GLG1: variants seen among roughly 807,000 people sequenced by gnomAD.
The protein encoded by GLG1 is golgi glycoprotein 1.
In GLG1, 38 loss-of-function variants were observed where a neutral mutation model predicts 160.5. That is an observed-to-expected ratio of 0.24 (90% CI 0.18 to 0.31). The LOEUF (loss-of-function observed/expected upper bound fraction) is 0.31, where lower values mean the gene tolerates loss of function less well. Ranked by LOEUF, GLG1 falls within the 10% of genes least tolerant of loss-of-function variation. GLG1 has a pLI of 1.00. For missense variants in GLG1, 1,373 were observed against 1,505.2 expected, an observed-to-expected ratio of 0.91 and a Z score of 1.45; for synonymous variants, 644 against 543.4, an observed-to-expected ratio of 1.19 and a Z score of -2.57.
intron 4 of GLG1, among the ~76,000 whole-genome samples, 176 bp from the exon 5 acceptor site, chr16:74,496,820 T>C (rs1597268035): frequency 6.6e-6 from 1 of 151,502 alleles, no homozygotes. Flanking sequence ...ACCAACCACA[T>C]TGTGGAAGTT....
chr16:74,551,459 C>A (rs2018195580), intron 1 of GLG1, among the ~76,000 whole-genome samples: 1 of 135,792 alleles, frequency 7.4e-6, no homozygotes, highest in Non-Finnish European at 1.5e-5. Flanking sequence ...CGCACACCAC[C>A]ATGTCTGGCT....
intron 4 of GLG1, among the ~76,000 whole-genome samples, chr16:74,497,222 G>C (rs1468027302): frequency 6.6e-6 from 1 of 151,514 alleles, no homozygotes; most frequent in Non-Finnish European, 1.5e-5. Context: ...CCAGTAGGCG[G>C]AGGTTGCAGT....
At chr16:74,494,440 T>G (rs2143398239) in intron 6 of GLG1, among the ~76,000 whole-genome samples, 1 of 125,894 alleles carries the variant, frequency 7.9e-6, no homozygotes, top group South Asian at 2.8e-4. Flanking sequence ...AGAGTCTCAC[T>G]CTGTCACCCA....
intron 1 of GLG1, among the ~76,000 whole-genome samples, chr16:74,560,660 G>A (rs922148799): frequency 6.6e-6 from 1 of 152,074 alleles, no homozygotes; most frequent in Non-Finnish European, 1.5e-5. Context: ...TTTATAAAAG[G>A]CAAAGCTTAA....
At chr16:74,526,268 G>T (rs555273484) in intron 2 of GLG1, among the ~76,000 whole-genome samples, 1 of 147,246 alleles carries the variant, frequency 6.8e-6, no homozygotes, top group Non-Finnish European at 1.5e-5. Context: ...TCATTCTCTG[G>T]AAAGTAATGT....
intron 2 of GLG1, among the ~76,000 whole-genome samples, chr16:74,509,764 G>A (rs2016742009): frequency 6.6e-6 from 1 of 151,544 alleles, no homozygotes; most frequent in Non-Finnish European, 1.5e-5. Flanking sequence ...CAGGAGAACG[G>A]CGTGAACACC....
At chr16:74,564,122 T>C (rs551988309) in intron 1 of GLG1, among the ~76,000 whole-genome samples, 108 of 152,282 alleles carry the variant, frequency 7.1e-4, no homozygotes, top group Non-Finnish European at 1.3e-3. Context: ...GGTCTTGCTA[T>C]GTTGCCTACG....
chr16:74,516,863 A>C (rs1231751807), intron 2 of GLG1, among the ~76,000 whole-genome samples: 4 of 152,174 alleles, frequency 2.6e-5, no homozygotes, highest in Non-Finnish European at 5.9e-5. Context: ...AAAAATAATA[A>C]AGGGGCTATC....
intron 2 of GLG1, among the ~76,000 whole-genome samples, chr16:74,512,313 A>G (rs1318033443): frequency 1.3e-5 from 2 of 151,398 alleles, no homozygotes; most frequent in Non-Finnish European, 2.9e-5. Flanking sequence ...CTAGAAGTAC[A>G]GTGATGCAAG....
chr16:74,582,511 T>C (rs1331840765), intron 1 of GLG1, among the ~76,000 whole-genome samples: 1 of 152,080 alleles, frequency 6.6e-6, no homozygotes, highest in Non-Finnish European at 1.5e-5. Flanking sequence ...CTCTTCACTA[T>C]CAAACTTTTC....
At chr16:74,477,982 AAAT>A (rs1567468795) in intron 11 of GLG1, among the ~76,000 whole-genome samples, 47 of 146,446 alleles carry the variant, frequency 3.2e-4, no homozygotes, top group African/African-American at 1.2e-3. Flanking sequence ...TCAAAAAAAT[AAAT>A]AAATAAATAA....
At chr16:74,567,554 C>CT (rs869140658) in intron 1 of GLG1, among the ~76,000 whole-genome samples, 1,104 of 66,370 alleles carry the variant, frequency 0.017, 31 homozygotes, top group Non-Finnish European at 0.017. Context: ...GGTGCACTTT[C>CT]TTTTTTTTTT....
At chr16:74,504,094 C>T (rs916655318) in intron 3 of GLG1, among the ~76,000 whole-genome samples, 2 of 152,124 alleles carry the variant, frequency 1.3e-5, no homozygotes, top group African/African-American at 4.8e-5. Flanking sequence ...CTATGAAGTC[C>T]TTGTAACCAT....
chr16:74,498,470 T>TATATATATATTAC (rs1470240306), intron 4 of GLG1, among the ~76,000 whole-genome samples: 1 of 39,030 alleles, frequency 2.6e-5, no homozygotes, highest in African/African-American at 8.1e-5. Context: ...ATATATATTA[T>TATATATATATTAC]ATTTTATATA....
intron 19 of GLG1, among the ~76,000 whole-genome samples, chr16:74,465,148 G>C (rs9937943): frequency 0.18 from 27,668 of 152,146 alleles, 2,843 homozygotes; most frequent in Middle Eastern, 0.23. Flanking sequence ...CGAACCTTGA[G>C]TTTAATGTAT....
Position 74,458,029 on chromosome 16 carries a change from G to C in GLG1, c.3145-35C>G, listed in dbSNP as rs377131575. ...GAGGGTCATTGCAGACAGAGCTTTT[G>C]AAGGGGAAATGCATCAGATCTGTTG... On this transcript the variant is annotated intron_variant, in intron 23 of 25. Coordinates refer to ENST00000422840, the MANE Select transcript of GLG1 (RefSeq NM_001145667.2). 2.3e-5 allele frequency: 37 copies of C among 1,607,802 alleles called. No homozygotes were observed. The Middle Eastern group carries it at 4.9e-4, about 21-fold the overall frequency.
intron 19 of GLG1, 134 bp downstream of exon 19, chr16:74,465,542 C>T: frequency 3.5e-6 from 3 of 856,724 alleles, no homozygotes; most frequent in Non-Finnish European, 5.6e-6. Flanking sequence ...CGCAGGCTCC[C>T]AGGGGGTGCT....
At chr16:74,473,947 G>A (rs890861550) in intron 13 of GLG1, among the ~76,000 whole-genome samples, 3 of 151,842 alleles carry the variant, frequency 2.0e-5, no homozygotes, top group East Asian at 3.9e-4. Context: ...GTGAAGTACT[G>A]CTGCTATTTT....
intron 25 of GLG1, among the ~76,000 whole-genome samples, chr16:74,455,382 A>G (rs903101507): frequency 2.0e-5 from 3 of 152,210 alleles, no homozygotes; most frequent in Non-Finnish European, 4.4e-5. Flanking sequence ...ACACAAAACA[A>G]GCCGTGAATT....
Sources: allele counts gnomAD v4.1 joint callset (sites outside exome capture counted in the v4.1 genomes callset), GRCh38; gene constraint gnomAD v4.1.1; transcripts MANE v1.5; gene names NCBI Gene and HGNC (gene_info 2026-07-23, HGNC 2026-07-21).